ZFPM2: variants seen among roughly 807,000 people sequenced by gnomAD.
ZFPM2 encodes zinc finger protein, FOG family member 2, also known as zinc finger protein ZFPM2.
ZFPM2 carries 20 observed loss-of-function variants against 98.6 expected under a neutral mutation model. That is an observed-to-expected ratio of 0.20 (90% confidence interval 0.14 to 0.29). The LOEUF is 0.29. Ranked by LOEUF, ZFPM2 falls within the 10% of genes least tolerant of loss-of-function variation. The probability of loss-of-function intolerance (pLI) is 1.00; values close to 1 mark genes in which losing one functional copy is unlikely to be tolerated. For synonymous variants in ZFPM2, 518 were observed against 502.7 expected (o/e 1.03, Z -0.41); for missense variants, 1,310 against 1,388.6 (o/e 0.94, Z 0.90).
At chr8:105,751,633 T>A (rs1421695659) in intron 5 of ZFPM2, among the ~76,000 whole-genome samples, 2 of 152,100 alleles carry the variant, frequency 1.3e-5, no homozygotes, top group East Asian at 1.9e-4. Flanking sequence ...CTTATTGAGA[T>A]AACATTTTAA....
intron 5 of ZFPM2, among the ~76,000 whole-genome samples, chr8:105,648,182 A>C (rs554039365): frequency 1.4e-3 from 217 of 152,258 alleles, no homozygotes; most frequent in African/African-American, 5.1e-3. Flanking sequence ...TCTTCTTTTG[A>C]GAAGTGTCTG....
intron 3 of ZFPM2, among the ~76,000 whole-genome samples, chr8:105,475,621 A>G (rs958614166): frequency 6.6e-6 from 1 of 152,210 alleles, no homozygotes; most frequent in African/African-American, 2.4e-5. Context: ...TTGGATATGC[A>G]TGGTTACAAA....
intron 5 of ZFPM2, among the ~76,000 whole-genome samples, chr8:105,767,608 A>G (rs1812884434): frequency 6.6e-6 from 1 of 151,928 alleles, no homozygotes; most frequent in Non-Finnish European, 1.5e-5. Flanking sequence ...TGAAAATATT[A>G]TTGTGACAGA....
intron 1 of ZFPM2, among the ~76,000 whole-genome samples, chr8:105,370,206 A>G (rs1810591613): frequency 6.6e-6 from 1 of 152,190 alleles, no homozygotes. Context: ...TAAGAAATAG[A>G]ACCTGTTTCA....
chr8:105,677,386 A>G (rs1302019844), intron 5 of ZFPM2, among the ~76,000 whole-genome samples: 2 of 152,212 alleles, frequency 1.3e-5, no homozygotes, highest in East Asian at 3.9e-4. Flanking sequence ...TCACAAGGCA[A>G]ATGAGGTTTT....
At chr8:105,743,666 C>T (rs1812277374) in intron 5 of ZFPM2, among the ~76,000 whole-genome samples, 1 of 152,050 alleles carries the variant, frequency 6.6e-6, no homozygotes, top group African/African-American at 2.4e-5. Flanking sequence ...CATCTGGCCC[C>T]TTTGTGCCTA....
rs1346880315 is a variant in ZFPM2 at position 105,456,154 on chromosome 8, TTGTTTGTTTGTTTG to T, written c.301+11775_301+11788del. ...GGGAAAACCAGGAAAATGTTTTTTTTTGTTTGTTTGTTTGTTTTTTTTTTAAGAAGGAAGGGGCT... is the reference window on the plus strand; with the variant it reads ...GGGAAAACCAGGAAAATGTTTTTTTTTTTTTTTTTTAAGAAGGAAGGGGCT... On this transcript the variant is annotated intron_variant, in intron 3 of 7. Transcript: ENST00000407775. Among the ~76,000 whole-genome samples, 79 of 108,478 alleles carry T rather than the reference TTGTTTGTTTGTTTG, an allele frequency of 7.3e-4. 2 individuals carry two copies. Among genetic ancestry groups the T allele is most frequent in the Admixed American group, 1.8e-3 (20 of 10,996 alleles). The allele number at this position is 108,478 out of a possible 152,430, so 71.2% of individuals were successfully genotyped here.
At chr8:105,449,568 T>TCA (rs1812445718) in intron 3 of ZFPM2, among the ~76,000 whole-genome samples, 2 of 152,052 alleles carry the variant, frequency 1.3e-5, no homozygotes, top group African/African-American at 4.8e-5. Context: ...TATTAAAACT[T>TCA]GCTGCTACGC....
chr8:105,674,397 A>G (rs934234889), intron 5 of ZFPM2, among the ~76,000 whole-genome samples: 14 of 152,200 alleles, frequency 9.2e-5, no homozygotes, highest in African/African-American at 2.9e-4. Flanking sequence ...ATGATGGCAG[A>G]ATTTCATTTT....
intron 3 of ZFPM2, among the ~76,000 whole-genome samples, chr8:105,542,791 C>T (rs1814607708): frequency 6.6e-6 from 1 of 152,076 alleles, no homozygotes; most frequent in Non-Finnish European, 1.5e-5. Context: ...TGCCAAGTTC[C>T]CCACAATGGT....
intron 1 of ZFPM2, among the ~76,000 whole-genome samples, chr8:105,345,294 C>CTTTTTCAGT (rs1812500943): frequency 6.6e-6 from 1 of 152,064 alleles, no homozygotes; most frequent in African/African-American, 2.4e-5. Context: ...GCTTTTTCAG[C>CTTTTTCAGT]ATCTTTGACA....
At chr8:105,365,832 G>T (rs745436130) in intron 1 of ZFPM2, among the ~76,000 whole-genome samples, 43 of 152,098 alleles carry the variant, frequency 2.8e-4, no homozygotes, top group African/African-American at 9.9e-4. Context: ...CAGTTTGTTC[G>T]GAAATTTGCA....
chr8:105,515,858 A>G (rs1813908331), intron 3 of ZFPM2, among the ~76,000 whole-genome samples: 1 of 151,306 alleles, frequency 6.6e-6, no homozygotes, highest in African/African-American at 2.4e-5. Context: ...TCTGGCTTGA[A>G]TTGCATGTCC....
At chr8:105,537,366 A>G (rs1022936454) in intron 3 of ZFPM2, among the ~76,000 whole-genome samples, 8 of 152,160 alleles carry the variant, frequency 5.3e-5, no homozygotes, top group African/African-American at 1.9e-4. Context: ...AAAAGTTAAG[A>G]CAGCTTCATT....
At chr8:105,600,620 AG>A (rs1331308670) in intron 4 of ZFPM2, among the ~76,000 whole-genome samples, 3 of 152,124 alleles carry the variant, frequency 2.0e-5, no homozygotes, top group African/African-American at 7.2e-5. Flanking sequence ...CAAGTTAAAA[AG>A]CATTAGGGAA....
At chr8:105,375,245 A>C (rs1479698051) in intron 1 of ZFPM2, among the ~76,000 whole-genome samples, 5 of 152,176 alleles carry the variant, frequency 3.3e-5, no homozygotes, top group Non-Finnish European at 7.3e-5. Context: ...AGAAAGGAAA[A>C]TTATTTTCTA....
chr8:105,344,809 A>G (rs967296635), intron 1 of ZFPM2, among the ~76,000 whole-genome samples: 1 of 152,178 alleles, frequency 6.6e-6, no homozygotes, highest in Non-Finnish European at 1.5e-5. Context: ...TAATGGAGGA[A>G]GCTGAGGAGT....
chr8:105,552,099 T>A (rs536110879), intron 3 of ZFPM2, among the ~76,000 whole-genome samples: 1 of 152,232 alleles, frequency 6.6e-6, no homozygotes, highest in Non-Finnish European at 1.5e-5. Context: ...GTTCTATTGA[T>A]GTTCTTTAAA....
At chr8:105,338,929 A>G (rs1206467460) in intron 1 of ZFPM2, among the ~76,000 whole-genome samples, 1 of 151,834 alleles carries the variant, frequency 6.6e-6, no homozygotes, top group South Asian at 2.1e-4. Flanking sequence ...TCCTTAATTG[A>G]TGAAGAGTAA....
Sources: gnomAD v4.1 joint callset for allele counts (sites outside exome capture counted in the v4.1 genomes callset) on GRCh38, gnomAD v4.1.1 for gene constraint, MANE v1.5 for transcripts, NCBI Gene and HGNC (gene_info 2026-07-23, HGNC 2026-07-21) for gene names.